The following ZFPM2 variants were observed in gnomAD, a reference collection of about 807,000 sequenced individuals.
ZFPM2 encodes zinc finger protein ZFPM2.
ZFPM2 carries 20 observed loss-of-function variants against 98.6 expected under a neutral mutation model. The observed-to-expected ratio is 0.20, with a 90% CI of 0.14 to 0.29. The LOEUF (loss-of-function observed/expected upper bound fraction) is 0.29. ZFPM2 is among the 10% of genes least tolerant of loss of function. The pLI is 1.00. For missense variants in ZFPM2, 1,310 were observed against 1,388.6 expected (o/e 0.94, Z 0.90); for synonymous variants, 518 against 502.7 (o/e 1.03, Z -0.41).
intron 5 of ZFPM2, among the ~76,000 whole-genome samples, chr8:105,761,351 G>T (rs891429387): frequency 1.3e-5 from 2 of 151,966 alleles, no homozygotes; most frequent in Non-Finnish European, 2.9e-5. Flanking sequence ...AATACAGGTT[G>T]AGTAACTAAA....
chr8:105,647,530 C>T (rs1417858005), intron 5 of ZFPM2, among the ~76,000 whole-genome samples: 1 of 149,470 alleles, frequency 6.7e-6, no homozygotes, highest in African/African-American at 2.5e-5. Flanking sequence ...CTCCCGCCCC[C>T]CCCCACCCCA....
intron 5 of ZFPM2, among the ~76,000 whole-genome samples, chr8:105,676,576 T>C (rs1036681009): frequency 6.6e-6 from 1 of 152,076 alleles, no homozygotes; most frequent in African/African-American, 2.4e-5. Flanking sequence ...AAAGAAGTTG[T>C]AAAAATACGC....
At chr8:105,407,854 C>G (rs1811492774) in intron 1 of ZFPM2, among the ~76,000 whole-genome samples, 1 of 151,846 alleles carries the variant, frequency 6.6e-6, no homozygotes, top group Non-Finnish European at 1.5e-5. Context: ...ATCTACTAAG[C>G]CTGGTTTTCT....
chr8:105,769,294 C>T (rs1340356273), intron 5 of ZFPM2, among the ~76,000 whole-genome samples: 4 of 152,012 alleles, frequency 2.6e-5, no homozygotes, highest in African/African-American at 9.7e-5. Flanking sequence ...ACTCAAGCTA[C>T]TCAAGATAAA....
chr8:105,401,483 C>T (rs1489393377), intron 1 of ZFPM2, among the ~76,000 whole-genome samples: 1 of 152,046 alleles, frequency 6.6e-6, no homozygotes. Context: ...ATTTCCCATA[C>T]TTTTTCTAGA....
chr8:105,345,425 C>CTTTTTTTTTTTTTTTTT (rs10560485), intron 1 of ZFPM2, among the ~76,000 whole-genome samples: 5 of 98,354 alleles, frequency 5.1e-5, no homozygotes, highest in Non-Finnish European at 5.9e-5. Flanking sequence ...TCGTGATGTT[C>CTTTTTTTTTTTTTTTTT]TTTTTTTTTT....
At chr8:105,762,795 C>A (rs1212438922) in intron 5 of ZFPM2, among the ~76,000 whole-genome samples, 1 of 151,868 alleles carries the variant, frequency 6.6e-6, no homozygotes, top group Non-Finnish European at 1.5e-5. Flanking sequence ...AATCCAGACT[C>A]AATGGCACAG....
intron 4 of ZFPM2, among the ~76,000 whole-genome samples, chr8:105,572,088 A>C (rs1252489230): frequency 3.2e-5 from 4 of 125,748 alleles, no homozygotes; most frequent in African/African-American, 1.3e-4. Flanking sequence ...CCCAGGCTGG[A>C]GTGCAATGGT....
intron 5 of ZFPM2, among the ~76,000 whole-genome samples, chr8:105,701,585 G>T (rs1007707749): frequency 2.0e-5 from 3 of 152,166 alleles, no homozygotes; most frequent in Admixed American, 6.5e-5. Flanking sequence ...TGTAATATGT[G>T]CCATGCCATC....
chr8:105,725,572 G>A (rs898296957), intron 5 of ZFPM2, among the ~76,000 whole-genome samples: 2 of 151,632 alleles, frequency 1.3e-5, no homozygotes, highest in Non-Finnish European at 2.9e-5. Flanking sequence ...AGTACTTCAG[G>A]CATAAATCAG....
chr8:105,350,591 A>G (rs1812622215), intron 1 of ZFPM2, among the ~76,000 whole-genome samples: 1 of 152,172 alleles, frequency 6.6e-6, no homozygotes. Flanking sequence ...TTCTTAGGAT[A>G]GGGAGAGAGC....
intron 2 of ZFPM2, among the ~76,000 whole-genome samples, chr8:105,434,717 T>C (rs1812087307): frequency 6.6e-6 from 1 of 152,202 alleles, no homozygotes; most frequent in Non-Finnish European, 1.5e-5. Flanking sequence ...ATTATAGGGA[T>C]GACTAACAGC....
At chr8:105,717,682 A>T (rs895625431) in intron 5 of ZFPM2, among the ~76,000 whole-genome samples, 2 of 151,990 alleles carry the variant, frequency 1.3e-5, no homozygotes, top group African/African-American at 4.8e-5. Flanking sequence ...ATTATCAATT[A>T]TTTACTATCC....
chr8:105,465,926 G>A (rs1246521008), intron 3 of ZFPM2, among the ~76,000 whole-genome samples: 1 of 151,904 alleles, frequency 6.6e-6, no homozygotes, highest in African/African-American at 2.4e-5. Flanking sequence ...TTGAATTTTT[G>A]TATTAGAATG....
intron 3 of ZFPM2, among the ~76,000 whole-genome samples, chr8:105,551,330 T>G (rs1355470885): frequency 6.6e-6 from 1 of 152,194 alleles, no homozygotes; most frequent in Middle Eastern, 3.2e-3. Flanking sequence ...GCAGTAGTAT[T>G]GAACTCAAGG....
rs1165326852 is a variant in ZFPM2 at position 105,634,289 on chromosome 8, A to G, written c.464A>G (p.Lys155Arg). ...CCAATGGTGCTGACTGCTGGTCCCA[A>G]GTGGTTGCTGGATGTGACTTGGCAA... ...QVPMVLTAGP[K>R]WLLDVTWQGV... The change falls in exon 5 of 8, where the codon AAG (lysine) becomes AGG (arginine). Residue 155 changes from lysine to arginine, a missense_variant. Transcript: ENST00000407775. 2.5e-6 allele frequency: 4 copies of G among 1,612,996 alleles called. No homozygotes were observed. The highest frequency in any genetic ancestry group is 2.7e-5 in the African/African-American group (2 of 74,912).
At chr8:105,715,235 CAA>C (rs943175071) in intron 5 of ZFPM2, among the ~76,000 whole-genome samples, 2 of 151,158 alleles carry the variant, frequency 1.3e-5, no homozygotes, top group African/African-American at 4.9e-5. Context: ...CCCATCTCTA[CAA>C]AAAAAATAGA....
intron 5 of ZFPM2, among the ~76,000 whole-genome samples, chr8:105,648,664 G>A (rs1451844824): frequency 2.6e-5 from 4 of 152,030 alleles, no homozygotes; most frequent in Admixed American, 1.3e-4. Flanking sequence ...TTTTTGTCAG[G>A]TTTGTCAAAG....
At chr8:105,360,742 C>T (rs1420144270) in intron 1 of ZFPM2, among the ~76,000 whole-genome samples, 25 of 145,246 alleles carry the variant, frequency 1.7e-4, no homozygotes, top group Admixed American at 1.1e-3. Context: ...TTTGTTCTTG[C>T]GATAGTTTAC....
Sources: gnomAD v4.1 joint callset for allele counts (sites outside exome capture counted in the v4.1 genomes callset) on GRCh38, gnomAD v4.1.1 for gene constraint, MANE v1.5 for transcripts, NCBI Gene and HGNC (gene_info 2026-07-23, HGNC 2026-07-21) for gene names.